The following PCDHA4 variants were observed in gnomAD, a reference collection of about 807,000 sequenced individuals.
The protein encoded by PCDHA4 is protocadherin alpha-4.
PCDHA4 carries 49 observed loss-of-function variants against 61.4 expected under a neutral mutation model. The observed-to-expected ratio is 0.80, with a 90% confidence interval of 0.63 to 1.01. PCDHA4 has a LOEUF of 1.01. PCDHA4 is among the 50% of genes least tolerant of loss of function. The pLI is 0.00. For synonymous variants in PCDHA4, 590 were observed against 550.3 expected, an observed-to-expected ratio of 1.07 and a Z score of -1.01; for missense variants, 1,254 against 1,235.8, an observed-to-expected ratio of 1.01 and a Z score of -0.22.
chr5:140,982,998 GAAAGAA>G (rs1469608645), intron 3 of PCDHA4, among the ~76,000 whole-genome samples: 10 of 151,726 alleles, frequency 6.6e-5, no homozygotes, highest in Admixed American at 5.2e-4. Context: ...AAGAAGGAAA[GAAAGAA>G]AAAGGAAGGA....
rs191892568 is a variant in PCDHA4, at chr5:140,903,945, C to T, written c.2386-75004C>T. 2.6e-5 allele frequency among the ~76,000 whole-genome samples: 4 copies of T among 152,280 alleles called. No homozygotes were observed. In the East Asian group the frequency reaches 5.8e-4, roughly 22 times the overall value. ...TGCATTGGATAATACCTCTTAAATA[C>T]TGGAAAATTATTTGTTGATTTTTGG... On this transcript the variant is annotated intron_variant, in intron 1 of 3. Transcript: ENST00000530339.
chr5:140,852,108 G>A, intron 1 of PCDHA4: 1 of 906,254 alleles, frequency 1.1e-6, no homozygotes, highest in Non-Finnish European at 1.3e-6. Context: ...TATTTTACAA[G>A]GTATGACCTA....
intron 1 of PCDHA4, chr5:140,835,828 C>A: frequency 6.2e-7 from 1 of 1,612,490 alleles, no homozygotes. Context: ...GCGGGGGACG[C>A]GGACGCGCAG....
At chr5:140,816,652 G>C (rs1285139152) in intron 1 of PCDHA4, 2 of 152,050 alleles carry the variant, frequency 1.3e-5, no homozygotes, top group African/African-American at 4.8e-5. Context: ...ACCTCTTCCA[G>C]TCTTTATGGA....
chr5:140,834,408 C>T, intron 1 of PCDHA4: 1 of 1,610,114 alleles, frequency 6.2e-7, no homozygotes, highest in Non-Finnish European at 8.5e-7. Flanking sequence ...TGGATACGAC[C>T]CAGGGGGCCG....
intron 1 of PCDHA4, chr5:140,824,125 A>T (rs2150132340): frequency 6.2e-7 from 1 of 1,613,888 alleles, no homozygotes; most frequent in South Asian, 1.1e-5. Flanking sequence ...CTCTACAGAC[A>T]ACGTGAGTTT....
rs369541654 is a variant in PCDHA4 at position 141,010,673 on chromosome 5, A to G, written c.*736A>G. On this transcript the variant is annotated 3_prime_UTR_variant, in exon 4 of 4. Coordinates refer to ENST00000530339, the MANE Select transcript of PCDHA4 (RefSeq NM_018907.4). ...TTTTAACAGAGAACCACCCTGGGAAACAGAAGCAGATCTGATGTGTTTCCT... is the reference window on the plus strand; with the variant it reads ...TTTTAACAGAGAACCACCCTGGGAAGCAGAAGCAGATCTGATGTGTTTCCT... 8.1e-4 allele frequency: 133 copies of G among 163,824 alleles called. No individual in the cohort carries two copies. Among genetic ancestry groups the G allele is most frequent in the Non-Finnish European group, 5.5e-4 (41 of 74,388 alleles). 10.1% of individuals were successfully genotyped at this position (163,824 alleles called of 1,614,324 possible). A position where few individuals can be genotyped will look rare whatever the true frequency, so the allele number is the denominator to read the frequency against.
rs1229783262 is a variant in PCDHA4 at position 140,850,596 on chromosome 5, A to G, written c.2385+41024A>G. ...GCTGGTGGATGTCAACGTGTACCTG[A>G]TCATCGCCATCTGCGCGGTGTCTAG... On this transcript the variant is annotated intron_variant, in intron 1 of 3. Coordinates refer to ENST00000530339, the MANE Select transcript of PCDHA4 (RefSeq NM_018907.4). 2 of 1,598,308 alleles carry G rather than the reference A, an allele frequency of 1.3e-6. 1 individual carries two copies. The highest frequency in any genetic ancestry group is 1.7e-6 in the Non-Finnish European group (2 of 1,167,786).
chr5:140,996,372 G>A (rs898606404), intron 3 of PCDHA4, among the ~76,000 whole-genome samples: 1 of 152,180 alleles, frequency 6.6e-6, no homozygotes, highest in Non-Finnish European at 1.5e-5. Context: ...TTTTGTTGTC[G>A]GCTGAAATAA....
At chr5:140,886,830 A>G (rs2061165550) in intron 1 of PCDHA4, among the ~76,000 whole-genome samples, 1 of 150,424 alleles carries the variant, frequency 6.6e-6, no homozygotes, top group Non-Finnish European at 1.5e-5. Flanking sequence ...TCGTCTTGAA[A>G]AAAAAAAAAA....
At chr5:140,924,751 C>T (rs1554202122) in intron 1 of PCDHA4, among the ~76,000 whole-genome samples, 39 of 151,566 alleles carry the variant, frequency 2.6e-4, no homozygotes, top group Non-Finnish European at 5.2e-4. Context: ...AAAAATTAAC[C>T]GAGCATGGTG....
intron 1 of PCDHA4, chr5:140,837,228 C>T (rs1388432907): frequency 6.6e-6 from 1 of 152,156 alleles, no homozygotes; most frequent in African/African-American, 2.4e-5. Context: ...TTAAGCATTT[C>T]TTTTACATCT....
intron 2 of PCDHA4, among the ~76,000 whole-genome samples, chr5:140,980,645 G>A (rs1322302727): frequency 6.7e-6 from 1 of 149,206 alleles, no homozygotes; most frequent in African/African-American, 2.5e-5. Flanking sequence ...ATAAATAAAT[G>A]AATAAAATAA....
At chr5:140,937,829 A>G (rs1305110198) in intron 1 of PCDHA4, among the ~76,000 whole-genome samples, 2 of 148,988 alleles carry the variant, frequency 1.3e-5, no homozygotes, top group African/African-American at 2.5e-5. Context: ...GGAGAATGGC[A>G]TGAACCTGGA....
rs566522528 is a variant in PCDHA4, at chr5:140,881,283, A to C, written c.2385+71711A>C. On this transcript the variant is annotated intron_variant, in intron 1 of 3. Coordinates refer to ENST00000530339, the MANE Select transcript of PCDHA4 (RefSeq NM_018907.4). ...TCAGTGATGATGAAGTAAGATGGAG[A>C]GAGAAAATGGAAACTTTAACCTCCT... 1.3e-5 allele frequency: 10 copies of C among 799,388 alleles called. No homozygotes were observed. The African/African-American group carries it at 1.9e-4, about 15-fold the overall frequency. The allele number at this position is 799,388 out of a possible 1,614,324, so 49.5% of individuals were successfully genotyped here.
intron 1 of PCDHA4, chr5:140,857,288 C>A (rs782208845): frequency 2.5e-6 from 4 of 1,598,652 alleles, no homozygotes; most frequent in East Asian, 4.5e-5. Context: ...CGCTCTGGAC[C>A]GCGAGAGGGT....
intron 1 of PCDHA4, chr5:140,847,643 G>C (rs1219551940): frequency 6.7e-6 from 1 of 149,570 alleles, no homozygotes; most frequent in East Asian, 1.9e-4. Context: ...CTACAAAGAA[G>C]AGATTATTCA....
chr5:140,982,461 G>C lies in PCDHA4; in HGVS notation c.2445-14G>C, dbSNP rs765899879. Reference sequence around the variant, plus strand: ...TATGATCTAACCGTTATCTGGGTCTGTGTGTTTATTCAGCTCTGTGCACCT... The same window carrying C: ...TATGATCTAACCGTTATCTGGGTCTCTGTGTTTATTCAGCTCTGTGCACCT... On this transcript the variant is annotated splice_polypyrimidine_tract_variant and intron_variant, in intron 2 of 3. Coordinates refer to ENST00000530339, the MANE Select transcript of PCDHA4 (RefSeq NM_018907.4). 4.3e-6 allele frequency: 7 copies of C among 1,613,970 alleles called. No homozygotes were observed. The Admixed American group carries it at 6.7e-5, about 15-fold the overall frequency.
chr5:140,890,488 T>C (rs1022131727), intron 1 of PCDHA4, among the ~76,000 whole-genome samples: 20 of 152,340 alleles, frequency 1.3e-4, no homozygotes, highest in African/African-American at 4.8e-4. Flanking sequence ...GTTATTTTTG[T>C]CTCACCATTT....
Sources: allele counts gnomAD v4.1 joint callset (sites outside exome capture counted in the v4.1 genomes callset), GRCh38; gene constraint gnomAD v4.1.1; transcripts MANE v1.5; gene names NCBI Gene and HGNC (gene_info 2026-07-23, HGNC 2026-07-21).